The following NOTCH1 variants were observed in gnomAD, a reference collection of about 807,000 sequenced individuals.
The protein encoded by NOTCH1 is neurogenic locus notch homolog protein 1.
In NOTCH1, 37 loss-of-function variants were observed where a neutral mutation model predicts 254.8. That is an observed-to-expected ratio of 0.15 (90% CI 0.11 to 0.19). NOTCH1 has a LOEUF of 0.19. Ranked by LOEUF, NOTCH1 falls within the 10% of genes least tolerant of loss-of-function variation. The pLI, the probability that NOTCH1 is intolerant of heterozygous loss-of-function variation, is 1.00. For synonymous variants in NOTCH1, 1,731 were observed against 1,618.1 expected, an observed-to-expected ratio of 1.07 and a Z score of -1.68; for missense variants, 2,972 against 3,708.6, an observed-to-expected ratio of 0.80 and a Z score of 5.16.
Position 136,507,937 on chromosome 9 carries a change from C to T in NOTCH1, c.3510+18G>A, listed in dbSNP as rs780687041. On this transcript the variant is annotated intron_variant, in intron 21 of 33. Coordinates refer to ENST00000651671, the MANE Select transcript of NOTCH1 (RefSeq NM_017617.5). ...CACTCGTGCCGGCCACAACCCTTAC[C>T]CTAGGAGGGACCCCCACCTTGCAGG... 3.7e-6 allele frequency: 6 copies of T among 1,611,690 alleles called. No homozygotes were observed. In the Admixed American group the frequency reaches 1.0e-4, roughly 27 times the overall value.
At position 136,503,139 on chromosome 9, in the gene NOTCH1, C is replaced by A. The variant is rs563015673; in HGVS notation, c.5167+43G>T. The A allele has an allele frequency of 3.6e-3, 5,728 of 1,611,890 alleles. 16 individuals carry two copies. Among genetic ancestry groups the A allele is most frequent in the Non-Finnish European group, 4.3e-3 (5,073 of 1,179,814 alleles). ...TGTCTGGGGCACGGGGGGATGGCAC[C>A]CCCTGCAGGCAGAGCCTGTTCCCGG... On this transcript the variant is annotated intron_variant, in intron 27 of 33. Coordinates refer to ENST00000651671, the MANE Select transcript of NOTCH1 (RefSeq NM_017617.5).
chr9:136,504,454 G>T (rs567641952), intron 26 of NOTCH1, among the ~76,000 whole-genome samples: 3 of 152,350 alleles, frequency 2.0e-5, no homozygotes, highest in African/African-American at 7.2e-5. Context: ...CCAGGAAAAG[G>T]GTGTGGCTGT....
chr9:136,505,326 C>A lies in NOTCH1; in HGVS notation c.4570G>T (p.Ala1524Ser). Residue 1524 changes from alanine (A) to serine (S), a missense_variant, in exon 25 of 34, where the codon GCG becomes TCG. Around this residue, in one of 8 missense-constraint regions of NOTCH1, gnomAD observed 1,343 missense variants for 1,557.0 expected, o/e 0.86. Coordinates refer to ENST00000651671, the MANE Select transcript of NOTCH1 (RefSeq NM_017617.5). The stretch of plus-strand genomic sequence containing the variant: ...CAGCCTTACTTGCACTGGCCTTCCG[C>A]ACGCTGGCAGTCAAAGCCGTCGAAG... ...CLFDGFDCQR[A>S]EGQCNPLYDQ... is the part of the protein sequence containing the mutation. 6.3e-7 allele frequency: 1 copy of A among 1,583,376 alleles called. No individual in the cohort carries two copies. Among genetic ancestry groups the A allele is most frequent in the Admixed American group, 1.8e-5 (1 of 54,590 alleles).
Position 136,494,782 on chromosome 9 carries a change from A to G in NOTCH1, c.*1289T>C, listed in dbSNP as rs1842892320. Reference sequence around the variant, plus strand: ...ACACACAACAGACTCATTCATTAAGATTTTTTAAACAAAATCCACCTTTAA... The same window carrying G: ...ACACACAACAGACTCATTCATTAAGGTTTTTTAAACAAAATCCACCTTTAA... On this transcript the variant is annotated 3_prime_UTR_variant, in exon 34 of 34. Transcript: ENST00000651671. 7.5e-6 allele frequency: 3 copies of G among 398,614 alleles called. No homozygotes were observed. The highest frequency in any genetic ancestry group is 1.3e-5 in the Non-Finnish European group (3 of 226,032). The allele number at this position is 398,614 out of a possible 1,614,324, so 24.7% of individuals were successfully genotyped here. A position where few individuals can be genotyped will look rare whatever the true frequency, so the allele number is the denominator to read the frequency against.
At position 136,496,412 on chromosome 9, in the gene NOTCH1, C is replaced by A. The variant is rs768311067; in HGVS notation, c.7327G>T (p.Val2443Leu). The A allele has an allele frequency of 1.9e-6, 3 of 1,599,332 alleles. No homozygotes were observed. Among genetic ancestry groups the A allele is most frequent in the Admixed American group, 1.7e-5 (1 of 59,814 alleles). Residue 2443 changes from valine (V) to leucine (L), a missense_variant, in exon 34 of 34, where the codon GTG becomes TTG. By Grantham distance (32) the Val-to-Leu change is conservative. Coordinates refer to ENST00000651671, the MANE Select transcript of NOTCH1 (RefSeq NM_017617.5). ...FLSGEPSQADVQPLGPSSLAV... is the reference protein window; with the variant it reads ...FLSGEPSQADLQPLGPSSLAV... ...AGGCTGCTGGGGCCCAGTGGCTGCA[C>A]GTCTGCCTGGCTCGGCTCTCCACTC... is the stretch of plus-strand genomic sequence containing the variant.
intron 31 of NOTCH1, among the ~76,000 whole-genome samples, chr9:136,500,206 C>T (rs907199272): frequency 2.0e-5 from 3 of 152,178 alleles, no homozygotes; most frequent in Non-Finnish European, 4.4e-5. Context: ...GAGGGAGGGG[C>T]GGGGCTGCGA....
chr9:136,519,333 G>A, intron 5 of NOTCH1, 110 bp downstream of exon 5: 4 of 1,495,228 alleles, frequency 2.7e-6, no homozygotes, highest in Non-Finnish European at 3.7e-6. Context: ...TAGTCTGCCT[G>A]GCCTGGGACA....
intron 2 of NOTCH1, among the ~76,000 whole-genome samples, chr9:136,525,483 G>A (rs1322997831): frequency 2.0e-5 from 3 of 152,240 alleles, no homozygotes; most frequent in Non-Finnish European, 2.9e-5. Flanking sequence ...CGGCCCCAGC[G>A]GCCCGGGAAG....
At chr9:136,532,992 C>A (rs956365057) in intron 2 of NOTCH1, among the ~76,000 whole-genome samples, 1 of 152,250 alleles carries the variant, frequency 6.6e-6, no homozygotes, top group Non-Finnish European at 1.5e-5. Context: ...CCCAGCCAGG[C>A]CCGTCCACCA....
chr9:136,503,326 T>A lies in NOTCH1; in HGVS notation c.5023A>T (p.Ile1675Phe), dbSNP rs375408767. The A allele has an allele frequency of 1.2e-6, 2 of 1,612,720 alleles. No homozygotes were observed. Among genetic ancestry groups the A allele is most frequent in the Non-Finnish European group, 1.7e-6 (2 of 1,179,844 alleles). ...CGGTTGTCAATCTCCAGGTAGACGA[T>A]GGAGCTGGGCGGACAATCAGAGAGG... The part of the protein sequence containing the change: ...ELDPMDVRGS[I>F]VYLEIDNRQC... Residue 1675 changes from isoleucine to phenylalanine, a missense_variant, in exon 27 of 34, where the codon ATC becomes TTC. Transcript: ENST00000651671.
At chr9:136,499,032 C>A in intron 32 of NOTCH1, 36 bp from the exon 33 acceptor site, 1 of 1,612,700 alleles carries the variant, frequency 6.2e-7, no homozygotes, top group Non-Finnish European at 8.5e-7. Flanking sequence ...GGTTGGAGAC[C>A]AGCTGGAGGC....
At chr9:136,514,785 G>A (rs962271806) in intron 12 of NOTCH1, 83 bp from the exon 13 acceptor site, 4 of 1,383,810 alleles carry the variant, frequency 2.9e-6, no homozygotes, top group African/African-American at 2.9e-5. Context: ...TGTCTGTTGA[G>A]CCGGGGCGAT....
intron 2 of NOTCH1, among the ~76,000 whole-genome samples, chr9:136,536,860 T>A (rs888799993): frequency 1.3e-5 from 2 of 152,246 alleles, no homozygotes; most frequent in African/African-American, 2.4e-5. Flanking sequence ...GGGTTCAGCA[T>A]GTAGTAGATG....
At chr9:136,525,910 T>C (rs1451905820) in intron 2 of NOTCH1, among the ~76,000 whole-genome samples, 5 of 152,278 alleles carry the variant, frequency 3.3e-5, no homozygotes, top group Non-Finnish European at 7.3e-5. Context: ...AGGGCCACTC[T>C]GGCCGACCAT....
In NOTCH1 at chr9:136,497,193, C is replaced by T. The variant is rs1554826502; in HGVS notation, c.6546G>A (p.Lys2182=). 3 of 1,612,836 alleles carry T rather than the reference C, an allele frequency of 1.9e-6. No individual in the cohort carries two copies. The highest frequency in any genetic ancestry group is 2.5e-6 in the Non-Finnish European group (3 of 1,179,970). ...GCAGGCAGCCCTTGCCGTCCTGGGA[C>T]TTCTTCCTCCGTGCCTTGAGGTCCT... ...EAKDLKARRK[K]SQDGKGCLLD... Residue 2182 remains lysine (K), a synonymous_variant, in exon 34 of 34, where the codon AAG becomes AAA. Coordinates refer to ENST00000651671, the MANE Select transcript of NOTCH1 (RefSeq NM_017617.5).
chr9:136,527,715 T>C (rs1034346123), intron 2 of NOTCH1, among the ~76,000 whole-genome samples: 12 of 152,082 alleles, frequency 7.9e-5, no homozygotes, highest in Non-Finnish European at 1.6e-4. Flanking sequence ...CGTGCGTCCC[T>C]CTTAGGGTCA....
intron 2 of NOTCH1, among the ~76,000 whole-genome samples, chr9:136,528,419 G>C (rs1280432957): frequency 1.8e-5 from 1 of 56,866 alleles, no homozygotes; most frequent in African/African-American, 6.1e-5. Flanking sequence ...GGACAGTGCG[G>C]GGGGGATGGG....
Position 136,508,534 on chromosome 9 carries a change from C to T in NOTCH1, c.3172-149G>A, listed in dbSNP as rs958178557. The stretch of plus-strand genomic sequence containing the variant: ...CTGCCGCCCCTGGACTCCCCACCAC[C>T]CCCACACCAGGAACAGCCTGGGCTG... On this transcript the variant is annotated intron_variant, in intron 19 of 33. Transcript: ENST00000651671. 3 of 1,167,358 alleles carry T rather than the reference C, an allele frequency of 2.6e-6. No individual in the cohort carries two copies. In the African/African-American group the frequency reaches 4.5e-5, roughly 18 times the overall value. The allele number at this position is 1,167,358 out of a possible 1,614,324, so 72.3% of individuals were successfully genotyped here. A position where few individuals can be genotyped will look rare whatever the true frequency, so the allele number is the denominator to read the frequency against.
Position 136,510,728 on chromosome 9 carries a change from C to T in NOTCH1, c.2665G>A (p.Gly889Ser), listed in dbSNP as rs557590721. The change falls in exon 17 of 34, where the codon GGC (glycine) becomes AGC (serine). Residue 889 changes from glycine to serine, a missense_variant. By Grantham distance (56) the Gly-to-Ser change is moderately conservative. Coordinates refer to ENST00000651671, the MANE Select transcript of NOTCH1 (RefSeq NM_017617.5). ...RHGASCQNTH[G>S]GYRCHCQAGY... ...GCCTGGCAGTGGCAGCGGTAGCCGC[C>T]GTGGGTGTTCTGGCAGGATGCGCCG... 36 of 1,610,586 alleles carry T rather than the reference C, an allele frequency of 2.2e-5. No homozygotes were observed. Among genetic ancestry groups the T allele is most frequent in the African/African-American group, 1.2e-4 (9 of 75,054 alleles).
Sources: allele counts gnomAD v4.1 joint callset (sites outside exome capture counted in the v4.1 genomes callset), GRCh38; gene constraint gnomAD v4.1.1; regional missense constraint gnomAD v4.1.1; transcripts MANE v1.5; gene names NCBI Gene and HGNC (gene_info 2026-07-23, HGNC 2026-07-21).